Variants in RPE observed in about 807,000 individuals in gnomAD.
The protein encoded by RPE is ribulose-5-phosphate-3-epimerase, also known as ribulose-phosphate 3-epimerase.
RPE carries 16 observed loss-of-function variants against 24.6 expected under a neutral mutation model. The observed-to-expected ratio is 0.65, with a 90% CI of 0.44 to 0.99. The LOEUF (loss-of-function observed/expected upper bound fraction) is 0.99, where lower values mean the gene tolerates loss of function less well. Among genes scored for constraint, RPE ranks in the 50% least tolerant of loss-of-function variants. The pLI is 0.00. For synonymous variants in RPE, 93 were observed against 98.4 expected (o/e 0.94, Z 0.33); for missense variants, 240 against 294.5 (o/e 0.81, Z 1.35).
chr2:210,016,758 T>A (rs1458711243), intron 4 of RPE, 117 bp downstream of exon 4: 1 of 1,383,946 alleles, frequency 7.2e-7, no homozygotes, highest in Non-Finnish European at 1.0e-6. Flanking sequence ...GAGATGGGGA[T>A]GCTTACAGAT....
intron 1 of RPE, among the ~76,000 whole-genome samples, chr2:210,009,449 G>A (rs2093673023): frequency 6.6e-6 from 1 of 152,164 alleles, no homozygotes; most frequent in Non-Finnish European, 1.5e-5. Context: ...GAAAATATAT[G>A]TGACGTGATT....
intron 1 of RPE, among the ~76,000 whole-genome samples, chr2:210,006,229 T>G (rs757844637): frequency 2.6e-5 from 4 of 152,228 alleles, no homozygotes; most frequent in Non-Finnish European, 5.9e-5. Flanking sequence ...GTTAACTCCC[T>G]CTGGCATTTG....
rs2093845141 is a variant in RPE at position 210,020,786 on chromosome 2, A to G, written c.*995A>G. The G allele has an allele frequency of 6.3e-6, 1 of 158,062 alleles. No homozygotes were observed. Among genetic ancestry groups the G allele is most frequent in the Non-Finnish European group, 1.5e-5 (1 of 68,014 alleles). The allele number at this position is 158,062 out of a possible 1,614,324, so 9.8% of individuals were successfully genotyped here. ...TAAATCACCTCTATAAGTAAGTGGT[A>G]ATAATAAAGCAGATATTTTTGTCCC... On this transcript the variant is annotated 3_prime_UTR_variant, in exon 6 of 6. Transcript: ENST00000359429.
intron 1 of RPE, among the ~76,000 whole-genome samples, chr2:210,006,492 T>C (rs2125056169): frequency 6.6e-6 from 1 of 152,340 alleles, no homozygotes; most frequent in East Asian, 1.9e-4. Context: ...AAGCACAAAT[T>C]AAGTCACGTA....
At chr2:210,015,459 TTTAC>T (rs965863083) in intron 2 of RPE, among the ~76,000 whole-genome samples, 71 of 152,176 alleles carry the variant, frequency 4.7e-4, no homozygotes, top group African/African-American at 1.4e-3. Flanking sequence ...TAGTGTGCAT[TTTAC>T]TTACTTATTT....
intron 2 of RPE, among the ~76,000 whole-genome samples, chr2:210,012,496 G>T (rs2093714195): frequency 6.6e-6 from 1 of 152,198 alleles, no homozygotes; most frequent in South Asian, 2.1e-4. Context: ...GTGTGGCAAA[G>T]TAGGAAGTGC....
At chr2:210,014,272 G>A (rs2093740260) in intron 2 of RPE, among the ~76,000 whole-genome samples, 1 of 151,886 alleles carries the variant, frequency 6.6e-6, no homozygotes, top group Non-Finnish European at 1.5e-5. Flanking sequence ...TGTATTTTTA[G>A]TAGAGATGGG....
intron 3 of RPE, 181 bp from the exon 4 acceptor site, chr2:210,016,326 A>G (rs1456843678): frequency 1.6e-5 from 26 of 1,586,828 alleles, no homozygotes; most frequent in Non-Finnish European, 2.2e-5. Context: ...TTTGTCACAT[A>G]GCATTTATGT....
intron 1 of RPE, among the ~76,000 whole-genome samples, chr2:210,006,587 C>T (rs751332016): frequency 2.0e-5 from 3 of 152,036 alleles, no homozygotes; most frequent in South Asian, 2.1e-4. Context: ...TTTATTTACT[C>T]GGGAGGTGGT....
At chr2:210,004,376 A>G (rs75638586) in intron 1 of RPE, among the ~76,000 whole-genome samples, 2,012 of 152,280 alleles carry the variant, frequency 0.013, 47 homozygotes, top group African/African-American at 0.046. Context: ...ACCGTTTGAA[A>G]TTGGTGGTGT....
intron 5 of RPE, 111 bp downstream of exon 5, chr2:210,017,670 C>G (rs551929409): frequency 1.1e-6 from 1 of 925,078 alleles, no homozygotes; most frequent in Non-Finnish European, 1.6e-6. Context: ...GACTTTCTTT[C>G]TTGGAAAAGT....
chr2:210,019,635 T>A, intron 5 of RPE, 34 bp from the exon 6 acceptor site: 2 of 1,601,430 alleles, frequency 1.2e-6, no homozygotes, highest in Non-Finnish European at 1.7e-6. Flanking sequence ...TACATTTTCC[T>A]TTGAGGCATA....
intron 1 of RPE, among the ~76,000 whole-genome samples, chr2:210,004,743 A>G (rs2093607579): frequency 6.6e-6 from 1 of 152,108 alleles, no homozygotes; most frequent in Admixed American, 6.5e-5. Context: ...GTGCTTAGTT[A>G]TTGTTGGCCG....
At chr2:210,018,312 A>G (rs1248904975) in intron 5 of RPE, 1 of 1,451,160 alleles carries the variant, frequency 6.9e-7, no homozygotes, top group Non-Finnish European at 9.0e-7. Flanking sequence ...TGTTCCTTGT[A>G]AGAACTTGCT....
In RPE at chr2:210,009,678, C is replaced by A; in HGVS notation, c.144C>A (p.Thr48=). ...GTAGGCATTTTGTTCCCAACATCAC[C>A]TTTGGTCACCCTGTGGTAGAAAGCC... ...VMDGHFVPNI[T]FGHPVVESLR... The change falls in exon 2 of 6, where the codon ACC becomes ACA. Residue 48 remains threonine, a synonymous_variant. Transcript: ENST00000359429. 6.2e-7 allele frequency: 1 copy of A among 1,614,124 alleles called. No individual in the cohort carries two copies.
intron 4 of RPE, 88 bp downstream of exon 4, chr2:210,016,729 A>G: frequency 1.3e-6 from 2 of 1,576,134 alleles, no homozygotes; most frequent in Non-Finnish European, 1.7e-6. Flanking sequence ...ATTTAGGCAT[A>G]ACCTGTTCTG....
At chr2:210,017,743 T>C (rs755251165) in intron 5 of RPE, 184 bp downstream of exon 5, 43 of 621,496 alleles carry the variant, frequency 6.9e-5, no homozygotes, top group South Asian at 1.2e-4. Context: ...CTTTTTTTTT[T>C]TTTTTTTTTT....
chr2:210,016,185 TTC>T (rs1231463542), intron 3 of RPE, 73 bp downstream of exon 3: 5 of 1,613,874 alleles, frequency 3.1e-6, no homozygotes, highest in Non-Finnish European at 4.2e-6. Flanking sequence ...ACAGGAAATT[TTC>T]TCTTTTTTTG....
intron 2 of RPE, 84 bp downstream of exon 2, chr2:210,009,820 A>T: frequency 6.4e-7 from 1 of 1,573,924 alleles, no homozygotes; most frequent in South Asian, 1.1e-5. Flanking sequence ...TTCCAAGTTC[A>T]TCTGGCACCC....
Sources: gnomAD v4.1 joint callset for allele counts (sites outside exome capture counted in the v4.1 genomes callset) on GRCh38, gnomAD v4.1.1 for gene constraint, MANE v1.5 for transcripts, NCBI Gene and HGNC (gene_info 2026-07-23, HGNC 2026-07-21) for gene names.